The following PIKFYVE variants were observed in gnomAD, a reference collection of about 807,000 sequenced individuals.
PIKFYVE encodes phosphoinositide kinase, FYVE-type zinc finger containing.
A neutral mutation model predicts 257.9 loss-of-function variants in PIKFYVE; 122 were observed. That is an observed-to-expected ratio of 0.47 (90% CI 0.41 to 0.55). The LOEUF (loss-of-function observed/expected upper bound fraction) is 0.55, where lower values mean the gene tolerates loss of function less well. Among genes scored for constraint, PIKFYVE ranks in the 20% least tolerant of loss-of-function variants. PIKFYVE has a pLI of 0.00. For missense variants in PIKFYVE, 2,160 were observed against 2,536.6 expected (o/e 0.85, Z 3.19); for synonymous variants, 892 against 868.9 (o/e 1.03, Z -0.47).
rs1316250908 is a variant in PIKFYVE at position 208,339,421 on chromosome 2, A to G, written c.4676A>G (p.Asp1559Gly). The change falls in exon 30 of 42, where the codon GAT (aspartate) becomes GGT (glycine). Residue 1559 changes from aspartate to glycine, a missense_variant. Asp to Gly is a moderately conservative substitution (Grantham distance 94). Coordinates refer to ENST00000264380, the MANE Select transcript of PIKFYVE (RefSeq NM_015040.4). ...TTAAGATTGTGTTTTTCTTTAGAGG[A>G]TCGCTTCTTAACAACTTTGTCCAGC... is the stretch of plus-strand genomic sequence containing the variant. ...SPGLQNGEKE[D>G]RFLTTLSSQS... 1 of 1,614,020 alleles carries G rather than the reference A, an allele frequency of 6.2e-7. No individual in the cohort carries two copies. Among genetic ancestry groups the G allele is most frequent in the Non-Finnish European group, 8.5e-7 (1 of 1,180,004 alleles).
intron 7 of PIKFYVE, among the ~76,000 whole-genome samples, chr2:208,290,635 G>A (rs368339335): frequency 1.3e-5 from 2 of 152,146 alleles, no homozygotes; most frequent in East Asian, 1.9e-4. Context: ...AAATACCAAG[G>A]AGCATGATTG....
rs116674863 is a variant in PIKFYVE, at chr2:208,351,084, G to A, written c.5611+137G>A. On this transcript the variant is annotated intron_variant, in intron 37 of 41. Coordinates refer to ENST00000264380, the MANE Select transcript of PIKFYVE (RefSeq NM_015040.4). ...TAGTTTTAACAGAGGTGTTTATAAA[G>A]TTTTATTTAGTAGTTTTAAAAAGTA... 6.1e-4 allele frequency: 736 copies of A among 1,208,926 alleles called. 2 individuals carry two copies. The African/African-American group carries it at 0.01, about 16-fold the overall frequency. The allele number at this position is 1,208,926 out of a possible 1,614,324, so 74.9% of individuals were successfully genotyped here. A position where few individuals can be genotyped will look rare whatever the true frequency, so the allele number is the denominator to read the frequency against.
chr2:208,284,425 T>C (rs746168410), intron 5 of PIKFYVE, among the ~76,000 whole-genome samples: 23 of 152,144 alleles, frequency 1.5e-4, no homozygotes, highest in Non-Finnish European at 2.8e-4. Context: ...CATGCCTGGC[T>C]AATTTTTGTA....
At chr2:208,335,938 TTATTGATTAAA>T in intron 26 of PIKFYVE, 37 bp downstream of exon 26, 1 of 1,580,798 alleles carries the variant, frequency 6.3e-7, no homozygotes, top group Non-Finnish European at 8.7e-7. Flanking sequence ...CAAAAGTTAA[TTATTGATTAAA>T]AATTATTGAT....
chr2:208,322,232 T>G (rs1696327540), intron 17 of PIKFYVE, among the ~76,000 whole-genome samples: 1 of 151,392 alleles, frequency 6.6e-6, no homozygotes, highest in African/African-American at 2.4e-5. Flanking sequence ...ATAGAAAAAA[T>G]TAGGCAGGCA....
chr2:208,349,370 A>T (rs1433743195), intron 35 of PIKFYVE, among the ~76,000 whole-genome samples: 1 of 151,956 alleles, frequency 6.6e-6, no homozygotes, highest in Non-Finnish European at 1.5e-5. Context: ...ATCTCTAATA[A>T]TTAAACAGAA....
At position 208,326,504 on chromosome 2, in the gene PIKFYVE, A is replaced by C. The variant is rs1486085707; in HGVS notation, c.3618+75A>C. 7 of 1,508,486 alleles carry C rather than the reference A, an allele frequency of 4.6e-6. No homozygotes were observed. The South Asian group carries it at 5.7e-5, about 12-fold the overall frequency. The allele number at this position is 1,508,486 out of a possible 1,614,324, so 93.4% of individuals were successfully genotyped here. Reference sequence around the variant, plus strand: ...TGACTCCTCAAAGGCAGGCTAAAAAAATCAGTTTGGCAGACTGCATGCAGA... The same window carrying C: ...TGACTCCTCAAAGGCAGGCTAAAAACATCAGTTTGGCAGACTGCATGCAGA... On this transcript the variant is annotated intron_variant, in intron 20 of 41. Transcript: ENST00000264380.
rs1553536062 is a variant in PIKFYVE, at chr2:208,351,331, C to G, written c.5612-21C>G. The G allele has an allele frequency of 3.3e-6, 5 of 1,507,364 alleles. No individual in the cohort carries two copies. The East Asian group carries it at 1.1e-4, about 34-fold the overall frequency. 93.4% of individuals were successfully genotyped at this position (1,507,364 alleles called of 1,614,324 possible). On this transcript the variant is annotated intron_variant, in intron 37 of 41. Transcript: ENST00000264380. ...AGTATATATTGTGATTGAGTAAACACATAAAATTTCTGCCTTTTAGATGAT... is the reference window on the plus strand; with the variant it reads ...AGTATATATTGTGATTGAGTAAACAGATAAAATTTCTGCCTTTTAGATGAT...
chr2:208,335,528 C>CATAGCATACAAT, intron 25 of PIKFYVE, 109 bp downstream of exon 25: 3 of 947,826 alleles, frequency 3.2e-6, no homozygotes, highest in African/African-American at 1.7e-5. Flanking sequence ...TAATTGTATG[C>CATAGCATACAAT]TATGCATGCT....
intron 34 of PIKFYVE, among the ~76,000 whole-genome samples, chr2:208,347,436 T>C (rs886984348): frequency 6.6e-6 from 1 of 152,220 alleles, no homozygotes; most frequent in African/African-American, 2.4e-5. Flanking sequence ...TTTAACTGAA[T>C]TCTTGTAGCT....
In PIKFYVE at chr2:208,351,411, G is replaced by T; in HGVS notation, c.5671G>T (p.Ala1891Ser). ...GGAAGTCCAGTCCTTCCTCGACTTT[G>T]CACCACATTACTTCAATTATATTAC... ...RLEVQSFLDF[A>S]PHYFNYITNA... The change falls in exon 38 of 42, where the codon GCA becomes TCA. Residue 1891 changes from alanine (A) to serine (S), a missense_variant. Coordinates refer to ENST00000264380, the MANE Select transcript of PIKFYVE (RefSeq NM_015040.4). 1 of 1,613,622 alleles carries T rather than the reference G, an allele frequency of 6.2e-7. No individual in the cohort carries two copies. The highest frequency in any genetic ancestry group is 8.5e-7 in the Non-Finnish European group (1 of 1,179,584).
At chr2:208,284,101 C>CT (rs1327724896) in intron 5 of PIKFYVE, among the ~76,000 whole-genome samples, 1 of 151,904 alleles carries the variant, frequency 6.6e-6, no homozygotes, top group East Asian at 1.9e-4. Context: ...ATTTTACCTC[C>CT]TTTTTTAATA....
intron 1 of PIKFYVE, among the ~76,000 whole-genome samples, chr2:208,268,843 T>C (rs1689036300): frequency 6.6e-6 from 1 of 152,100 alleles, no homozygotes; most frequent in Non-Finnish European, 1.5e-5. Context: ...GTCAGTGGTT[T>C]CATTTCTGCC....
intron 2 of PIKFYVE, among the ~76,000 whole-genome samples, chr2:208,272,117 C>T (rs1689501882): frequency 6.6e-6 from 1 of 151,962 alleles, no homozygotes; most frequent in African/African-American, 2.4e-5. Context: ...CGCCTGTAGT[C>T]CCAGCTACTC....
intron 24 of PIKFYVE, 55 bp downstream of exon 24, chr2:208,333,548 A>AT (rs1056807399): frequency 2.6e-5 from 40 of 1,563,064 alleles, no homozygotes; most frequent in East Asian, 4.5e-5. Context: ...TCCCTTAAGA[A>AT]TTTTTTTAAC....
Position 208,333,737 on chromosome 2 carries a change from A to C in PIKFYVE, c.4142+244A>C, listed in dbSNP as rs115812648. 5.4e-3 allele frequency among the ~76,000 whole-genome samples: 826 copies of C among 152,306 alleles called. 5 individuals are homozygous for C. The highest frequency in any genetic ancestry group is 0.01 in the Admixed American group (159 of 15,302). On this transcript the variant is annotated intron_variant, in intron 24 of 41. Coordinates refer to ENST00000264380, the MANE Select transcript of PIKFYVE (RefSeq NM_015040.4). ...ACGATCATTCACTTACAGAGCTCTCAAGTGGTGGAGTAATGATTTGAACCT... is the reference window on the plus strand; with the variant it reads ...ACGATCATTCACTTACAGAGCTCTCCAGTGGTGGAGTAATGATTTGAACCT...
chr2:208,316,612 T>C (rs556395974), intron 15 of PIKFYVE, among the ~76,000 whole-genome samples: 45 of 152,290 alleles, frequency 3.0e-4, no homozygotes, highest in Non-Finnish European at 5.1e-4. Context: ...TTGATTTGCA[T>C]TTCTCTGATG....
In PIKFYVE at chr2:208,296,183, T is replaced by C. The variant is rs185947507; in HGVS notation, c.912-2458T>C. On this transcript the variant is annotated intron_variant, in intron 7 of 41. Coordinates refer to ENST00000264380, the MANE Select transcript of PIKFYVE (RefSeq NM_015040.4). ...GCATGCCTGGCTAATTTTTGTATTT[T>C]TAATAGAGACAGAGTCTCACCATGT... 4.3e-3 allele frequency among the ~76,000 whole-genome samples: 655 copies of C among 152,290 alleles called. 5 individuals carry two copies. The highest frequency in any genetic ancestry group is 0.014 in the African/African-American group (585 of 41,554).
chr2:208,305,771 G>A (rs1460038774), intron 12 of PIKFYVE, among the ~76,000 whole-genome samples: 4 of 152,042 alleles, frequency 2.6e-5, no homozygotes, highest in Admixed American at 2.6e-4. Context: ...TCCTATCATG[G>A]GATTGTGTAA....
Sources: gnomAD v4.1 joint callset for allele counts (sites outside exome capture counted in the v4.1 genomes callset) on GRCh38, gnomAD v4.1.1 for gene constraint, MANE v1.5 for transcripts, NCBI Gene and HGNC (gene_info 2026-07-23, HGNC 2026-07-21) for gene names.